Variants in MDGA2 observed in about 807,000 individuals in gnomAD.
The protein encoded by MDGA2 is MAM domain-containing glycosylphosphatidylinositol anchor protein 2.
MDGA2 carries 40 observed loss-of-function variants against 117.8 expected under a neutral mutation model. That is an observed-to-expected ratio of 0.34 (90% CI 0.26 to 0.44). MDGA2 has a LOEUF of 0.44. MDGA2 is among the 20% of genes least tolerant of loss of function. The pLI is 1.00. For missense variants in MDGA2, 1,123 were observed against 1,250.6 expected, an observed-to-expected ratio of 0.90 and a Z score of 1.54; for synonymous variants, 452 against 439.0, an observed-to-expected ratio of 1.03 and a Z score of -0.37.
intron 8 of MDGA2, among the ~76,000 whole-genome samples, chr14:47,010,918 C>T (rs1359501813): frequency 1.3e-5 from 2 of 151,960 alleles, no homozygotes; most frequent in Admixed American, 6.6e-5. Flanking sequence ...GACAGATGGA[C>T]ATGAATTAAT....
At chr14:47,374,477 C>T (rs953835643) in intron 1 of MDGA2, among the ~76,000 whole-genome samples, 2 of 152,046 alleles carry the variant, frequency 1.3e-5, no homozygotes, top group African/African-American at 2.4e-5. Flanking sequence ...TCCTGATACT[C>T]TTGGATGCTC....
chr14:47,100,577 G>A (rs1047041442), intron 5 of MDGA2, among the ~76,000 whole-genome samples: 1 of 152,030 alleles, frequency 6.6e-6, no homozygotes, highest in Non-Finnish European at 1.5e-5. Context: ...AGCAACATGT[G>A]AGATAGATTA....
chr14:47,015,321 T>TAA (rs5808372), intron 8 of MDGA2, among the ~76,000 whole-genome samples: 45 of 145,294 alleles, frequency 3.1e-4, no homozygotes, highest in African/African-American at 4.1e-4. Flanking sequence ...CACATGCTGT[T>TAA]AAAAAAAAAA....
chr14:46,888,634 C>A (rs1882759480), intron 10 of MDGA2, among the ~76,000 whole-genome samples: 1 of 151,106 alleles, frequency 6.6e-6, no homozygotes, highest in East Asian at 1.9e-4. Flanking sequence ...TTATAAGAAA[C>A]AAAATTGACT....
chr14:47,089,828 A>T (rs891491923), intron 6 of MDGA2, among the ~76,000 whole-genome samples: 3 of 149,158 alleles, frequency 2.0e-5, no homozygotes, highest in Non-Finnish European at 3.0e-5. Flanking sequence ...GGCATGAAGC[A>T]CTGTGCCCGG....
At chr14:47,335,452 C>A (rs893548611) in intron 1 of MDGA2, among the ~76,000 whole-genome samples, 8 of 151,016 alleles carry the variant, frequency 5.3e-5, no homozygotes, top group African/African-American at 1.9e-4. Flanking sequence ...GTTTTGGAAG[C>A]AATAATGCAA....
At chr14:47,602,847 C>T (rs1359683491) in intron 1 of MDGA2, among the ~76,000 whole-genome samples, 3 of 152,124 alleles carry the variant, frequency 2.0e-5, no homozygotes, top group South Asian at 2.1e-4. Flanking sequence ...CAGTGCGGAA[C>T]GTTAGGATTA....
At chr14:47,375,647 G>A (rs1440705050) in intron 1 of MDGA2, among the ~76,000 whole-genome samples, 10 of 151,652 alleles carry the variant, frequency 6.6e-5, no homozygotes, top group Non-Finnish European at 7.4e-5. Flanking sequence ...TCCAATCCTC[G>A]CAACTATCCA....
At chr14:47,061,140 A>C (rs2138784288) in intron 7 of MDGA2, 109 bp downstream of exon 7, 2 of 1,017,454 alleles carry the variant, frequency 2.0e-6, no homozygotes, top group East Asian at 2.5e-5. Flanking sequence ...TTTTGTTTTT[A>C]GGAAACTTAA....
intron 1 of MDGA2, among the ~76,000 whole-genome samples, chr14:47,673,919 A>T (rs1272358814): frequency 1.3e-5 from 2 of 151,778 alleles, no homozygotes; most frequent in Admixed American, 6.6e-5. Context: ...TCACACAAAC[A>T]TGTCCCTTAA....
At chr14:47,410,859 T>A (rs1892358636) in intron 1 of MDGA2, among the ~76,000 whole-genome samples, 2 of 152,178 alleles carry the variant, frequency 1.3e-5, no homozygotes. Context: ...ATAAAGTATC[T>A]ACTATTCATC....
chr14:47,492,843 G>A (rs1373438384), intron 1 of MDGA2, among the ~76,000 whole-genome samples: 2 of 152,038 alleles, frequency 1.3e-5, no homozygotes, highest in South Asian at 2.1e-4. Flanking sequence ...TGACAGACTT[G>A]TGCAATATAT....
At chr14:46,875,401 C>G (rs563684361) in intron 12 of MDGA2, among the ~76,000 whole-genome samples, 2 of 151,458 alleles carry the variant, frequency 1.3e-5, no homozygotes, top group African/African-American at 4.8e-5. Flanking sequence ...GTTTTTTAGA[C>G]GAAACACTTG....
chr14:47,310,862 A>G (rs577615726), intron 1 of MDGA2, among the ~76,000 whole-genome samples: 1 of 152,262 alleles, frequency 6.6e-6, no homozygotes, highest in South Asian at 2.1e-4. Context: ...AGAATATAGT[A>G]AAAGTGGGAG....
chr14:47,422,241 G>A (rs1254477216), intron 1 of MDGA2, among the ~76,000 whole-genome samples: 4 of 152,048 alleles, frequency 2.6e-5, no homozygotes, highest in South Asian at 2.1e-4. Context: ...GACTAAAAAG[G>A]AACTATGAGT....
At chr14:47,096,589 TAAC>T (rs1879982595) in intron 6 of MDGA2, among the ~76,000 whole-genome samples, 1 of 152,040 alleles carries the variant, frequency 6.6e-6, no homozygotes, top group South Asian at 2.1e-4. Flanking sequence ...TTTTTTTAGC[TAAC>T]AACATATTAT....
intron 1 of MDGA2, among the ~76,000 whole-genome samples, chr14:47,579,268 G>C (rs978397578): frequency 2.0e-5 from 3 of 151,970 alleles, no homozygotes; most frequent in African/African-American, 7.2e-5. Context: ...AAGTGAGAAT[G>C]CCATATTTAT....
intron 1 of MDGA2, among the ~76,000 whole-genome samples, chr14:47,323,149 GATATATATATAT>G (rs58765297): frequency 0.026 from 2,801 of 107,570 alleles, 145 homozygotes; most frequent in African/African-American, 0.089. Context: ...AAGAGTCATG[GATATATATATAT>G]ATATATATAT....
intron 10 of MDGA2, among the ~76,000 whole-genome samples, chr14:46,909,225 A>G (rs1347679542): frequency 1.3e-5 from 2 of 152,204 alleles, no homozygotes; most frequent in Non-Finnish European, 2.9e-5. Flanking sequence ...TCTACAAATA[A>G]AAAGTAGATC....
Sources: allele counts gnomAD v4.1 joint callset (sites outside exome capture counted in the v4.1 genomes callset), GRCh38; gene constraint gnomAD v4.1.1; transcripts MANE v1.5; gene names NCBI Gene and HGNC (gene_info 2026-07-23, HGNC 2026-07-21).